The following CCDC13 variants were observed in gnomAD, a reference collection of about 807,000 sequenced individuals.
The protein encoded by CCDC13 is coiled-coil domain-containing protein 13.
Under a neutral mutation model 87.3 loss-of-function variants are expected in CCDC13, and 70 were observed. The ratio of observed to expected loss-of-function variants is 0.80; its 90% CI spans 0.66 to 0.98. The LOEUF (loss-of-function observed/expected upper bound fraction) is 0.98, where lower values mean the gene tolerates loss of function less well. Among genes scored for constraint, CCDC13 ranks in the 50% least tolerant of loss-of-function variants. CCDC13 has a pLI of 0.00. For missense variants in CCDC13, 842 were observed against 892.0 expected (o/e 0.94, Z 0.71); for synonymous variants, 317 against 360.3 (o/e 0.88, Z 1.36).
rs1459502171 is a variant in CCDC13, at chr3:42,706,713, C to A, written c.*2267G>T. The A allele has an allele frequency of 6.6e-6, 1 of 152,220 alleles. No individual in the cohort carries two copies. The highest frequency in any genetic ancestry group is 1.5e-5 in the Non-Finnish European group (1 of 68,042). The allele number at this position is 152,220 out of a possible 1,614,324, so 9.4% of individuals were successfully genotyped here. ...TCTTTCCCCTCTCTCTTATATAACT[C>A]TTGTTGAAATCAGTCTATAGATACA... On this transcript the variant is annotated 3_prime_UTR_variant, in exon 16 of 16. Coordinates refer to ENST00000310232, the MANE Select transcript of CCDC13 (RefSeq NM_144719.4).
intron 3 of CCDC13, among the ~76,000 whole-genome samples, chr3:42,753,847 T>A (rs1469867467): frequency 2.0e-5 from 3 of 152,108 alleles, no homozygotes; most frequent in East Asian, 3.9e-4. Flanking sequence ...GACTCCAGAG[T>A]AGCTGGAAGG....
chr3:42,733,801 A>G (rs1698909113), intron 10 of CCDC13, 192 bp from the exon 11 acceptor site: 1 of 246,588 alleles, frequency 4.1e-6, no homozygotes, highest in African/African-American at 2.3e-5. Context: ...GCCTCTCTTC[A>G]GAAAGAAAGC....
At chr3:42,730,694 T>G (rs1281316018) in intron 12 of CCDC13, 105 bp from the exon 13 acceptor site, 2 of 1,463,520 alleles carry the variant, frequency 1.4e-6, no homozygotes, top group Non-Finnish European at 1.9e-6. Flanking sequence ...AGGGCGAATG[T>G]CAGCCAGAGC....
At chr3:42,757,904 T>C (rs1372909275) in intron 2 of CCDC13, among the ~76,000 whole-genome samples, 1 of 152,196 alleles carries the variant, frequency 6.6e-6, no homozygotes, top group East Asian at 1.9e-4. Flanking sequence ...AAATTATTTA[T>C]GGGTTAAGAA....
chr3:42,762,306 C>T (rs1016943296), intron 1 of CCDC13, among the ~76,000 whole-genome samples: 6 of 152,202 alleles, frequency 3.9e-5, no homozygotes, highest in South Asian at 2.1e-4. Context: ...TGTGCACACC[C>T]GCACATTCCA....
chr3:42,708,884 G>T lies in CCDC13; in HGVS notation c.*96C>A. On this transcript the variant is annotated 3_prime_UTR_variant, in exon 16 of 16. Coordinates refer to ENST00000310232, the MANE Select transcript of CCDC13 (RefSeq NM_144719.4). ...GAAGTGGTTGAGCTGGCTGCCCTGG[G>T]CTGGCTTCCCGGAGCAGATGGAGTC... 2 of 1,340,276 alleles carry T rather than the reference G, an allele frequency of 1.5e-6. No individual in the cohort carries two copies. The highest frequency in any genetic ancestry group is 2.0e-6 in the Non-Finnish European group (2 of 1,001,390). The allele number at this position is 1,340,276 out of a possible 1,614,324, so 83.0% of individuals were successfully genotyped here.
At chr3:42,722,560 T>C (rs1436530944) in intron 13 of CCDC13, among the ~76,000 whole-genome samples, 1 of 152,122 alleles carries the variant, frequency 6.6e-6, no homozygotes, top group Admixed American at 6.5e-5. Context: ...AAAACCAAGA[T>C]GGCAATGAGA....
At chr3:42,729,222 TGA>T (rs1160455616) in intron 13 of CCDC13, among the ~76,000 whole-genome samples, 4 of 152,170 alleles carry the variant, frequency 2.6e-5, no homozygotes, top group Non-Finnish European at 5.9e-5. Flanking sequence ...TCAAGAGAAA[TGA>T]GAGAGAAAGC....
rs1296911664 is a variant in CCDC13 at position 42,735,647 on chromosome 3, G to A, written c.1371+60C>T. ...TAAGGCAAGTGGAAAGAAGTGGAAG[G>A]AGCTGGATGGACTTGCCCGGCTTGA... On this transcript the variant is annotated intron_variant, in intron 10 of 15. Coordinates refer to ENST00000310232, the MANE Select transcript of CCDC13 (RefSeq NM_144719.4). 7 of 1,542,084 alleles carry A rather than the reference G, an allele frequency of 4.5e-6. No individual in the cohort carries two copies. In the East Asian group the frequency reaches 1.4e-4, roughly 30 times the overall value.
At chr3:42,762,745 C>T (rs1443363133) in intron 1 of CCDC13, among the ~76,000 whole-genome samples, 1 of 152,154 alleles carries the variant, frequency 6.6e-6, no homozygotes, top group Non-Finnish European at 1.5e-5. Flanking sequence ...ATAAACAATA[C>T]ATGTGAGTAT....
At chr3:42,717,619 A>G (rs1387519538) in intron 13 of CCDC13, among the ~76,000 whole-genome samples, 1 of 152,184 alleles carries the variant, frequency 6.6e-6, no homozygotes, top group Non-Finnish European at 1.5e-5. Context: ...TAAAATGACA[A>G]ATGTTTGGTG....
chr3:42,757,268 AG>A (rs1178175907), intron 2 of CCDC13, 54 bp from the exon 3 acceptor site: 1 of 1,580,316 alleles, frequency 6.3e-7, no homozygotes, highest in African/African-American at 1.4e-5. Flanking sequence ...CCTGGTGGGC[AG>A]GGGTCAGGCC....
At chr3:42,720,695 G>T (rs534705673) in intron 13 of CCDC13, among the ~76,000 whole-genome samples, 1 of 152,228 alleles carries the variant, frequency 6.6e-6, no homozygotes, top group African/African-American at 2.4e-5. Flanking sequence ...AAAACTAAAG[G>T]TTTAAGCAAG....
intron 6 of CCDC13, chr3:42,746,333 C>G (rs1335554367): frequency 3.1e-6 from 1 of 324,192 alleles, no homozygotes; most frequent in Non-Finnish European, 5.9e-6. Flanking sequence ...CAAAGCTGAC[C>G]AACTCCTGCT....
chr3:42,770,396 T>C (rs1235327030), intron 1 of CCDC13, among the ~76,000 whole-genome samples: 1 of 152,218 alleles, frequency 6.6e-6, no homozygotes, highest in Non-Finnish European at 1.5e-5. Context: ...CAATTGACAT[T>C]CTGTATCTAG....
chr3:42,710,833 G>T (rs1698293905), intron 14 of CCDC13, among the ~76,000 whole-genome samples: 1 of 152,172 alleles, frequency 6.6e-6, no homozygotes, highest in Non-Finnish European at 1.5e-5. Context: ...ACACTGCTAA[G>T]CTGCCCTTGG....
chr3:42,709,886 G>T, intron 14 of CCDC13, 88 bp from the exon 15 acceptor site: 2 of 989,042 alleles, frequency 2.0e-6, no homozygotes, highest in Non-Finnish European at 3.2e-6. Context: ...CCCACTGCCT[G>T]CTCTTCCACA....
chr3:42,711,323 C>G lies in CCDC13; in HGVS notation c.1874-1525G>C, dbSNP rs144146748. On this transcript the variant is annotated intron_variant, in intron 14 of 15. Coordinates refer to ENST00000310232, the MANE Select transcript of CCDC13 (RefSeq NM_144719.4). ...GCAAAATCACAGCATCAGAAAACCT[C>G]GGGACTGAAAAGGCCCTCAGAGGTG... Among the ~76,000 whole-genome samples, 1,483 of 151,502 alleles carry G rather than the reference C, an allele frequency of 9.8e-3. 19 individuals are homozygous for G. Among genetic ancestry groups the G allele is most frequent in the African/African-American group, 0.033 (1,362 of 41,196 alleles).
intron 9 of CCDC13, among the ~76,000 whole-genome samples, chr3:42,738,603 G>C (rs1336523857): frequency 6.6e-6 from 1 of 152,122 alleles, no homozygotes; most frequent in Non-Finnish European, 1.5e-5. Context: ...GTGGTTTGTA[G>C]TTCTTCTTGA....
Sources: allele counts gnomAD v4.1 joint callset (sites outside exome capture counted in the v4.1 genomes callset), GRCh38; gene constraint gnomAD v4.1.1; transcripts MANE v1.5; gene names NCBI Gene and HGNC (gene_info 2026-07-23, HGNC 2026-07-21).